Variants in PPP2R2B observed in about 807,000 individuals in gnomAD.
PPP2R2B encodes serine/threonine-protein phosphatase 2A 55 kDa regulatory subunit B beta isoform.
PPP2R2B carries 5 observed loss-of-function variants against 46.0 expected under a neutral mutation model. That is an observed-to-expected ratio of 0.11 (90% CI 0.06 to 0.23). The LOEUF (loss-of-function observed/expected upper bound fraction) is 0.23, where lower values mean the gene tolerates loss of function less well. Among genes scored for constraint, PPP2R2B ranks in the 10% least tolerant of loss-of-function variants. PPP2R2B has a pLI of 1.00. For synonymous variants in PPP2R2B, 215 were observed against 206.7 expected (o/e 1.04, Z -0.34); for missense variants, 367 against 575.0 (o/e 0.64, Z 3.70).
At chr5:146,825,431 C>T (rs529958129) in intron 2 of PPP2R2B, among the ~76,000 whole-genome samples, 1 of 152,204 alleles carries the variant, frequency 6.6e-6, no homozygotes, top group South Asian at 2.1e-4. Flanking sequence ...AATAAAGTAT[C>T]TCTTTTTACT....
intron 1 of PPP2R2B, among the ~76,000 whole-genome samples, chr5:146,964,927 C>T (rs1026537279): frequency 6.6e-6 from 1 of 152,138 alleles, no homozygotes; most frequent in African/African-American, 2.4e-5. Flanking sequence ...CAAGTCACTC[C>T]TCTCTGGGGC....
chr5:146,843,167 A>G (rs1759771837), intron 2 of PPP2R2B, among the ~76,000 whole-genome samples: 1 of 152,272 alleles, frequency 6.6e-6, no homozygotes, highest in Non-Finnish European at 1.5e-5. Context: ...AGCCTGGGCA[A>G]TGAGGGCGAA....
At chr5:146,617,921 C>T (rs555554625) in intron 7 of PPP2R2B, among the ~76,000 whole-genome samples, 5 of 152,114 alleles carry the variant, frequency 3.3e-5, no homozygotes, top group Admixed American at 1.3e-4. Flanking sequence ...CTCCAACTCC[C>T]GACCTCAGGT....
intron 1 of PPP2R2B, chr5:147,035,181 C>T: frequency 2.2e-6 from 1 of 449,462 alleles, no homozygotes; most frequent in Non-Finnish European, 4.5e-6. Flanking sequence ...TTCTGCATGG[C>T]TGGGGAGGTC....
chr5:146,617,386 G>A (rs1360552139), intron 7 of PPP2R2B, among the ~76,000 whole-genome samples: 1 of 152,156 alleles, frequency 6.6e-6, no homozygotes, highest in Non-Finnish European at 1.5e-5. Flanking sequence ...AACATAAAGA[G>A]TACATGCTTG....
intron 2 of PPP2R2B, among the ~76,000 whole-genome samples, chr5:146,829,481 T>C (rs1758788799): frequency 6.6e-6 from 1 of 152,202 alleles, no homozygotes; most frequent in Admixed American, 6.5e-5. Context: ...AATCACATTG[T>C]TCTTCTGAAG....
rs571202219 is a variant in PPP2R2B at position 146,838,869 on chromosome 5, A to T, written c.70+39133T>A. Among the ~76,000 whole-genome samples, 3 of 152,326 alleles carry T rather than the reference A, an allele frequency of 2.0e-5. No homozygotes were observed. In the East Asian group the frequency reaches 5.8e-4, roughly 29 times the overall value. On this transcript the variant is annotated intron_variant, in intron 2 of 9. Transcript: ENST00000394411. Reference sequence around the variant, plus strand: ...TGACTGCCTTCCCAAGGCAAAGGGTATTTTGGGAAATCTGAAGCAGCGTTA... The same window carrying T: ...TGACTGCCTTCCCAAGGCAAAGGGTTTTTTGGGAAATCTGAAGCAGCGTTA...
intron 1 of PPP2R2B, among the ~76,000 whole-genome samples, chr5:147,016,135 A>G (rs1230614154): frequency 6.6e-6 from 1 of 151,582 alleles, no homozygotes; most frequent in Non-Finnish European, 1.5e-5. Context: ...CAGGAGTTCG[A>G]GACCAGCCTG....
chr5:146,664,179 A>G (rs1032570805), intron 5 of PPP2R2B, among the ~76,000 whole-genome samples: 1 of 152,198 alleles, frequency 6.6e-6, no homozygotes, highest in Non-Finnish European at 1.5e-5. Context: ...GAAGTTTGCC[A>G]TATCGATCGA....
At chr5:146,971,621 G>A (rs1037675443) in intron 1 of PPP2R2B, among the ~76,000 whole-genome samples, 1 of 152,144 alleles carries the variant, frequency 6.6e-6, no homozygotes, top group African/African-American at 2.4e-5. Flanking sequence ...TGTAACTGCT[G>A]AGTCAAGTGA....
At chr5:146,954,643 C>T (rs1751791719) in intron 1 of PPP2R2B, among the ~76,000 whole-genome samples, 1 of 151,598 alleles carries the variant, frequency 6.6e-6, no homozygotes, top group Admixed American at 6.6e-5. Context: ...CACCATTCCC[C>T]AATAACCTAT....
rs147019707 is a variant in PPP2R2B at position 146,690,051 on chromosome 5, A to G, written c.447+1077T>C. Among the ~76,000 whole-genome samples the G allele has an allele frequency of 4.4e-3, 675 of 152,348 alleles. 8 individuals carry two copies. The highest frequency in any genetic ancestry group is 0.015 in the African/African-American group (617 of 41,586). ...TGAGCTAATTAAGCATACAATGACC[A>G]TCCCATTTTGGCTTTCAAACATAGG... On this transcript the variant is annotated intron_variant, in intron 5 of 9. Transcript: ENST00000394411.
intron 1 of PPP2R2B, among the ~76,000 whole-genome samples, chr5:146,950,933 A>T (rs1307121632): frequency 2.0e-5 from 3 of 152,094 alleles, no homozygotes. Flanking sequence ...TGGATAAAAC[A>T]CTAAAGGGTG....
chr5:146,902,230 A>T (rs1334112635), intron 1 of PPP2R2B, among the ~76,000 whole-genome samples: 1 of 152,006 alleles, frequency 6.6e-6, no homozygotes, highest in African/African-American at 2.4e-5. Flanking sequence ...TTGAAAATCA[A>T]CTCTGTCAAA....
intron 2 of PPP2R2B, among the ~76,000 whole-genome samples, chr5:147,077,275 TACACACACACACACAC>T (rs370176510): frequency 2.8e-5 from 4 of 140,484 alleles, no homozygotes; most frequent in African/African-American, 2.7e-5. Context: ...TATGTGTGTA[TACACACACACACACAC>T]ACACACACAC....
chr5:146,802,670 T>G (rs1020372687), intron 2 of PPP2R2B, among the ~76,000 whole-genome samples: 1 of 152,188 alleles, frequency 6.6e-6, no homozygotes, highest in African/African-American at 2.4e-5. Flanking sequence ...GACATGGGAT[T>G]TCCTACAAGT....
At chr5:146,877,849 G>T (rs1447163857) in intron 2 of PPP2R2B, among the ~76,000 whole-genome samples, 153 bp downstream of exon 2, 2 of 152,206 alleles carry the variant, frequency 1.3e-5, no homozygotes, top group Non-Finnish European at 2.9e-5. Flanking sequence ...ATGGATGCGA[G>T]GTGCACTGGG....
At chr5:146,883,017 A>G (rs1466403465), upstream of PPP2R2B, among the ~76,000 whole-genome samples, 2 of 152,182 alleles carry the variant, frequency 1.3e-5, no homozygotes, top group African/African-American at 2.4e-5. Flanking sequence ...CTTCCTACAC[A>G]GGAAACTTTT....
intron 1 of PPP2R2B, chr5:147,054,524 A>G (rs1580863196): frequency 2.3e-6 from 1 of 434,532 alleles, no homozygotes; most frequent in African/African-American, 2.0e-5. Context: ...TATGAAAAAT[A>G]CCACCCTCAG....
Sources: gnomAD v4.1 joint callset for allele counts (sites outside exome capture counted in the v4.1 genomes callset) on GRCh38, gnomAD v4.1.1 for gene constraint, MANE v1.5 for transcripts, NCBI Gene and HGNC (gene_info 2026-07-23, HGNC 2026-07-21) for gene names.